OCA2: variants seen among roughly 807,000 people sequenced by gnomAD.
OCA2 encodes the protein OCA2 melanosomal transmembrane protein.
A neutral mutation model predicts 100.2 loss-of-function variants in OCA2; 77 were observed. The observed-to-expected ratio is 0.77, with a 90% CI of 0.64 to 0.93. The LOEUF (loss-of-function observed/expected upper bound fraction) is 0.93. Ranked by LOEUF, OCA2 falls within the 40% of genes least tolerant of loss-of-function variation. The pLI, the probability that OCA2 is intolerant of heterozygous loss-of-function variation, is 0.00. For missense variants in OCA2, 1,062 were observed against 1,089.1 expected (o/e 0.98, Z 0.35); for synonymous variants, 432 against 439.2 (o/e 0.98, Z 0.21).
chr15:28,065,988 T>A (rs1026291667), intron 2 of OCA2, among the ~76,000 whole-genome samples: 4 of 152,172 alleles, frequency 2.6e-5, no homozygotes, highest in African/African-American at 4.8e-5. Context: ...TTCACAGACA[T>A]GATTATTTAC....
At chr15:28,082,821 C>G (rs1268423154) in intron 1 of OCA2, among the ~76,000 whole-genome samples, 2 of 151,288 alleles carry the variant, frequency 1.3e-5, no homozygotes, top group Admixed American at 6.6e-5. Flanking sequence ...CAAATTAATA[C>G]TATTCTGGTG....
At chr15:27,888,018 T>C (rs934154142) in intron 19 of OCA2, among the ~76,000 whole-genome samples, 4 of 151,974 alleles carry the variant, frequency 2.6e-5, no homozygotes, top group African/African-American at 7.3e-5. Context: ...TGCTCATCAA[T>C]AGCACATGGC....
chr15:27,857,794 A>G (rs2035995723), intron 21 of OCA2, among the ~76,000 whole-genome samples: 1 of 152,204 alleles, frequency 6.6e-6, no homozygotes, highest in Non-Finnish European at 1.5e-5. Context: ...TTCAGCTAAT[A>G]AAGATGTAAT....
intron 19 of OCA2, among the ~76,000 whole-genome samples, chr15:27,908,115 A>T (rs2038246893): frequency 6.6e-6 from 1 of 152,224 alleles, no homozygotes; most frequent in Non-Finnish European, 1.5e-5. Context: ...TTACTAATAA[A>T]TATCAATGCC....
In OCA2 at chr15:28,028,366, G is replaced by GCT. The variant is rs143482344; in HGVS notation, c.327-309_327-308dup. Among the ~76,000 whole-genome samples the GCT allele has an allele frequency of 5.0e-3, 769 of 152,342 alleles. 12 individuals are homozygous for GCT. The highest frequency in any genetic ancestry group is 0.018 in the African/African-American group (737 of 41,580). ...CTGTTTCTGGCTCAGACCAGTTCCC[G>GCT]CTGATTTCAGCGTTGGCTTTTTCAC... On this transcript the variant is annotated intron_variant, in intron 3 of 23. Transcript: ENST00000354638.
At chr15:27,910,754 G>A (rs770385724) in intron 19 of OCA2, among the ~76,000 whole-genome samples, 4 of 151,424 alleles carry the variant, frequency 2.6e-5, no homozygotes, top group Admixed American at 6.6e-5. Flanking sequence ...TCAGGAGTTC[G>A]AGACCAGCCT....
intron 19 of OCA2, among the ~76,000 whole-genome samples, chr15:27,888,860 C>G (rs1459364612): frequency 6.6e-6 from 1 of 152,036 alleles, no homozygotes; most frequent in Non-Finnish European, 1.5e-5. Flanking sequence ...CTGTTACAAC[C>G]TTTATCACAT....
intron 21 of OCA2, among the ~76,000 whole-genome samples, chr15:27,864,558 G>A (rs1277455059): frequency 2.6e-5 from 4 of 152,182 alleles, no homozygotes; most frequent in African/African-American, 7.2e-5. Context: ...GCAGGGCTAT[G>A]GGATGGGGCG....
rs759691635 is a variant in OCA2 at position 28,027,994 on chromosome 15, G to A, written c.392C>T (p.Ser131Phe). 1.9e-6 allele frequency: 3 copies of A among 1,614,240 alleles called. No individual in the cohort carries two copies. The highest frequency in any genetic ancestry group is 1.7e-6 in the Non-Finnish European group (2 of 1,180,034). The change falls in exon 4 of 24, where the codon TCT becomes TTT. Residue 131 changes from serine to phenylalanine, a missense_variant. By Grantham distance (155) the Ser-to-Phe change is radical. Coordinates refer to ENST00000354638, the MANE Select transcript of OCA2 (RefSeq NM_000275.3). Reference protein sequence around the residue: ...ITAEESWEDSSADWERRYLLS... With the variant: ...ITAEESWEDSFADWERRYLLS... ...CAGGTATCTTCGCTCCCAGTCAGCA[G>A]AGCTGTCTTCCCAAGACTCTTCAGC...
chr15:27,902,486 T>C (rs1158435882), intron 19 of OCA2, among the ~76,000 whole-genome samples: 1 of 152,212 alleles, frequency 6.6e-6, no homozygotes, highest in Non-Finnish European at 1.5e-5. Flanking sequence ...TTTGAAGAAA[T>C]CCAGTTCCTG....
chr15:27,863,640 T>C (rs2036217758), intron 21 of OCA2, among the ~76,000 whole-genome samples: 1 of 152,184 alleles, frequency 6.6e-6, no homozygotes, highest in Non-Finnish European at 1.5e-5. Flanking sequence ...ATTCTGGAAC[T>C]GCTGTCATGG....
chr15:28,018,268 G>A (rs2042464994), intron 7 of OCA2, 129 bp downstream of exon 7: 3 of 814,496 alleles, frequency 3.7e-6, no homozygotes, highest in East Asian at 5.1e-5. Flanking sequence ...GATAAGAAGA[G>A]CCAATGAATT....
At chr15:27,941,485 T>C (rs182729496) in intron 18 of OCA2, among the ~76,000 whole-genome samples, 4 of 152,290 alleles carry the variant, frequency 2.6e-5, no homozygotes. Context: ...AAACAGTCAT[T>C]AAATGGATTT....
At chr15:27,816,878 A>G (rs990016284) in intron 23 of OCA2, among the ~76,000 whole-genome samples, 1 of 151,494 alleles carries the variant, frequency 6.6e-6, no homozygotes, top group Admixed American at 6.6e-5. Flanking sequence ...GCACCCCACC[A>G]CCCCTCACTG....
intron 2 of OCA2, among the ~76,000 whole-genome samples, chr15:28,071,601 CAT>C (rs2044262904): frequency 1.3e-5 from 2 of 152,140 alleles, no homozygotes; most frequent in Non-Finnish European, 2.9e-5. Flanking sequence ...ATAGAAAACT[CAT>C]AAATAAAACC....
chr15:27,871,386 G>A lies in OCA2; in HGVS notation c.2140-128C>T, dbSNP rs1025437200. On this transcript the variant is annotated intron_variant, in intron 20 of 23. Coordinates refer to ENST00000354638, the MANE Select transcript of OCA2 (RefSeq NM_000275.3). ...TCTTACCCATCACGAGACCAAGGCA[G>A]ACATAGGTGTGCAAGCCAGGGCCAC... 33 of 733,662 alleles carry A rather than the reference G, an allele frequency of 4.5e-5. No individual in the cohort carries two copies. The African/African-American group carries it at 5.2e-4, about 12-fold the overall frequency. The allele number at this position is 733,662 out of a possible 1,614,324, so 45.4% of individuals were successfully genotyped here.
chr15:27,769,193 A>G (rs1451832873), intron 23 of OCA2, among the ~76,000 whole-genome samples: 1 of 152,146 alleles, frequency 6.6e-6, no homozygotes, highest in African/African-American at 2.4e-5. Context: ...CTCCGGGGTG[A>G]TTTTCAATCC....
At chr15:27,923,546 A>G (rs1427272386) in intron 19 of OCA2, among the ~76,000 whole-genome samples, 1 of 152,170 alleles carries the variant, frequency 6.6e-6, no homozygotes, top group East Asian at 1.9e-4. Context: ...CTCTTTAATA[A>G]TAGCTATATG....
At chr15:27,736,735 T>C in the OCA2 span, among the ~76,000 whole-genome samples, 1 of 152,198 alleles carries the variant, frequency 6.6e-6, no homozygotes, top group African/African-American at 2.4e-5. Context: ...AGAAGGAAGT[T>C]TCTTACCTGT....
Sources: allele counts gnomAD v4.1 joint callset (sites outside exome capture counted in the v4.1 genomes callset), GRCh38; gene constraint gnomAD v4.1.1; transcripts MANE v1.5; gene names NCBI Gene and HGNC (gene_info 2026-07-23, HGNC 2026-07-21).